Variants in BTNL3 observed in about 807,000 individuals in gnomAD.
BTNL3 encodes the protein butyrophilin like 3.
Under a neutral mutation model 40.1 loss-of-function variants are expected in BTNL3, and 20 were observed. The observed-to-expected ratio is 0.50, with a 90% CI of 0.35 to 0.72. The LOEUF (loss-of-function observed/expected upper bound fraction) is 0.72. Among genes scored for constraint, BTNL3 ranks in the 30% least tolerant of loss-of-function variants. The pLI is 0.01. For synonymous variants in BTNL3, 179 were observed against 222.1 expected, an observed-to-expected ratio of 0.81 and a Z score of 1.73; for missense variants, 449 against 582.2, an observed-to-expected ratio of 0.77 and a Z score of 2.35.
At position 180,993,064 on chromosome 5, in the gene BTNL3, C is replaced by T; in HGVS notation, c.301C>T (p.Leu101=). 6.9e-7 allele frequency: 1 copy of T among 1,455,256 alleles called. No individual in the cohort carries two copies. Among genetic ancestry groups the T allele is most frequent in the South Asian group, 1.1e-5 (1 of 88,458 alleles). 90.1% of individuals were successfully genotyped at this position (1,455,256 alleles called of 1,614,324 possible). ...SIAGGRVSLR[L]KNITPSDIGL... ...TGCAGGGGGGCGTGTCTCTCTAAGG[C>T]TAAAAAACATCACTCCCTCGGACAT... The change falls in exon 2 of 8, where the codon CTA becomes TTA. Residue 101 remains leucine (L), a synonymous_variant. Transcript: ENST00000342868.
Position 181,001,536 on chromosome 5 carries a change from C to T in BTNL3, c.674-1136C>T, listed in dbSNP as rs189787672. On this transcript the variant is annotated intron_variant, in intron 3 of 7. Coordinates refer to ENST00000342868, the MANE Select transcript of BTNL3 (RefSeq NM_197975.3). Reference sequence around the variant, plus strand: ...CTCACTTTGTTGCCTAGACTGGTCTCGAACTCCTGTCCTTAAGAAATCCTC... The same window carrying T: ...CTCACTTTGTTGCCTAGACTGGTCTTGAACTCCTGTCCTTAAGAAATCCTC... Among the ~76,000 whole-genome samples the T allele has an allele frequency of 4.4e-3, 574 of 131,772 alleles. 123 individuals are homozygous for T. Among genetic ancestry groups the T allele is most frequent in the Admixed American group, 0.044 (529 of 12,146 alleles). 86.4% of individuals were successfully genotyped at this position (131,772 alleles called of 152,430 possible). A position where few individuals can be genotyped will look rare whatever the true frequency, so the allele number is the denominator to read the frequency against.
At chr5:180,993,304 G>A in intron 2 of BTNL3, 144 bp downstream of exon 2, 1 of 1,235,050 alleles carries the variant, frequency 8.1e-7, no homozygotes, top group Non-Finnish European at 1.1e-6. Flanking sequence ...TCACTGACCT[G>A]AGGTTTCTGG....
intron 3 of BTNL3, among the ~76,000 whole-genome samples, chr5:181,001,497 A>G (rs1760107254): frequency 1.1e-5 from 1 of 88,830 alleles, no homozygotes; most frequent in African/African-American, 4.7e-5. Flanking sequence ...ATATTTTTAT[A>G]GATGGGGGGG....
At chr5:180,995,395 C>T (rs1392083309) in intron 2 of BTNL3, among the ~76,000 whole-genome samples, 1 of 136,332 alleles carries the variant, frequency 7.3e-6, no homozygotes, top group Non-Finnish European at 1.7e-5. Flanking sequence ...ACTCTAGACC[C>T]TATGTAAAGC....
intron 4 of BTNL3, among the ~76,000 whole-genome samples, chr5:181,003,172 A>G (rs943574639): frequency 7.4e-6 from 1 of 135,316 alleles, no homozygotes; most frequent in Admixed American, 7.9e-5. Context: ...CCTGGGCAAC[A>G]TGGCGAGAAC....
In BTNL3 at chr5:180,991,493, TAAG is replaced by T. The variant is rs1428478804; in HGVS notation, c.50-1314_50-1312del. 1.5e-5 allele frequency among the ~76,000 whole-genome samples: 2 copies of T among 136,676 alleles called. 1 individual carries two copies. The highest frequency in any genetic ancestry group is 3.3e-5 in the Non-Finnish European group (2 of 59,758). 89.7% of individuals were successfully genotyped at this position (136,676 alleles called of 152,430 possible). On this transcript the variant is annotated intron_variant, in intron 1 of 7. Coordinates refer to ENST00000342868, the MANE Select transcript of BTNL3 (RefSeq NM_197975.3). ...GGGCCTCCATCGTTTGTGGTCTCTC[TAAG>T]AAGAACTCTAATCATACAGAGTTGT...
At chr5:181,003,193 A>G (rs1253802802) in intron 4 of BTNL3, among the ~76,000 whole-genome samples, 2 of 134,152 alleles carry the variant, frequency 1.5e-5, no homozygotes, top group African/African-American at 5.1e-5. Flanking sequence ...TCCTCTCTAC[A>G]AAAAATTTTT....
At chr5:181,000,104 C>T (rs1760085906) in intron 3 of BTNL3, among the ~76,000 whole-genome samples, 5 of 135,460 alleles carry the variant, frequency 3.7e-5, no homozygotes, top group African/African-American at 1.3e-4. Flanking sequence ...AAATTTTTAC[C>T]AACATTACTC....
intron 1 of BTNL3, among the ~76,000 whole-genome samples, chr5:180,992,459 G>A (rs1561958642): frequency 7.3e-6 from 1 of 136,934 alleles, no homozygotes; most frequent in African/African-American, 2.5e-5. Context: ...CAGATGGGCA[G>A]AGAGGAGAGC....
chr5:181,004,681 G>A, intron 6 of BTNL3, 55 bp from the exon 7 acceptor site: 1 of 1,613,892 alleles, frequency 6.2e-7, no homozygotes, highest in Non-Finnish European at 8.5e-7. Flanking sequence ...CCTTCTCCCT[G>A]CGCCCTGTTT....
At chr5:181,001,500 T>TGGG (rs200023935) in intron 3 of BTNL3, among the ~76,000 whole-genome samples, 10,877 of 115,698 alleles carry the variant, frequency 0.094, 1,513 homozygotes, top group African/African-American at 0.11. Context: ...TTTTTATAGA[T>TGGG]GGGGGGGGGT....
Position 181,004,426 on chromosome 5 carries a change from G to A in BTNL3, c.818G>A (p.Arg273Lys), listed in dbSNP as rs1287663020. The change falls in exon 6 of 8, where the codon AGA (arginine) becomes AAA (lysine). Residue 273 changes from arginine to lysine, a missense_variant. By Grantham distance (26) the Arg-to-Lys change is conservative. Around this residue, in one of 2 missense-constraint regions of BTNL3, gnomAD observed 323 missense variants for 464.9 expected, o/e 0.69. Coordinates refer to ENST00000342868, the MANE Select transcript of BTNL3 (RefSeq NM_197975.3). Reference protein sequence around the residue: ...GKIQAELDWRRKHGQAELRDA... With the variant: ...GKIQAELDWRKKHGQAELRDA... Reference sequence around the variant, plus strand: ...TGTTTTTGTTTTTCAGACTGGAGAAGAAAGCACGGACAGGCAGGTAAAAGA... The same window carrying A: ...TGTTTTTGTTTTTCAGACTGGAGAAAAAAGCACGGACAGGCAGGTAAAAGA... 1.0e-5 allele frequency: 13 copies of A among 1,243,522 alleles called. No homozygotes were observed. The East Asian group carries it at 3.0e-4, about 29-fold the overall frequency. 77.0% of individuals were successfully genotyped at this position (1,243,522 alleles called of 1,614,324 possible).
At chr5:181,000,821 AT>A (rs1286131561) in intron 3 of BTNL3, among the ~76,000 whole-genome samples, 6 of 135,816 alleles carry the variant, frequency 4.4e-5, no homozygotes, top group African/African-American at 1.5e-4. Context: ...TCAAAAAAAA[AT>A]AAAATAAAAT....
intron 1 of BTNL3, among the ~76,000 whole-genome samples, chr5:180,990,898 G>T (rs1321384039): frequency 7.3e-6 from 1 of 137,408 alleles, no homozygotes; most frequent in Non-Finnish European, 1.7e-5. Flanking sequence ...GAACTGTATA[G>T]ACGATGGCTC....
intron 7 of BTNL3, 70 bp downstream of exon 7, chr5:181,004,832 T>C: frequency 1.2e-6 from 2 of 1,613,772 alleles, no homozygotes; most frequent in Middle Eastern, 1.7e-4. Flanking sequence ...ATGGAGCCCA[T>C]CCAGCTTGTA....
chr5:181,003,869 G>T lies in BTNL3; in HGVS notation c.801G>T (p.Ala267=). 1 of 1,614,048 alleles carries T rather than the reference G, an allele frequency of 6.2e-7. No individual in the cohort carries two copies. The highest frequency in any genetic ancestry group is 8.5e-7 in the Non-Finnish European group (1 of 1,180,024). Reference sequence around the variant, plus strand: ...TTTCTGTTTCAGGGAAAATCCAGGCGGAACTGGGTATGTGTCATGTCCTGA... The same window carrying T: ...TTTCTGTTTCAGGGAAAATCCAGGCTGAACTGGGTATGTGTCATGTCCTGA... ...VFFKSKGKIQ[A]ELDWRRKHGQ... The change falls in exon 5 of 8, where the codon GCG becomes GCT. Residue 267 remains alanine (A), a synonymous_variant. Coordinates refer to ENST00000342868, the MANE Select transcript of BTNL3 (RefSeq NM_197975.3).
At chr5:181,004,031 G>A in intron 5 of BTNL3, 155 bp downstream of exon 5, 2 of 1,529,970 alleles carry the variant, frequency 1.3e-6, no homozygotes, top group Non-Finnish European at 1.8e-6. Context: ...CACTGCTCAT[G>A]AGTTACCCCT....
In BTNL3 at chr5:180,996,945, A is replaced by G. The variant is rs1294174474; in HGVS notation, c.398-268A>G. On this transcript the variant is annotated intron_variant, in intron 2 of 7. Transcript: ENST00000342868. ...ATTTCATACTTAGGAATATCCAGGC[A>G]TATATAGTGGCTGCTAAATAAATGT... Among the ~76,000 whole-genome samples the G allele has an allele frequency of 2.2e-5, 3 of 137,172 alleles. 1 individual carries two copies. The highest frequency in any genetic ancestry group is 7.5e-5 in the African/African-American group (3 of 39,816). The allele number at this position is 137,172 out of a possible 152,430, so 90.0% of individuals were successfully genotyped here. A position where few individuals can be genotyped will look rare whatever the true frequency, so the allele number is the denominator to read the frequency against.
intron 1 of BTNL3, among the ~76,000 whole-genome samples, chr5:180,989,791 T>C (rs1350963262): frequency 7.3e-6 from 1 of 136,628 alleles, no homozygotes; most frequent in African/African-American, 2.5e-5. Context: ...TCTGGAACAG[T>C]TCCATCCTGC....
Sources: gnomAD v4.1 joint callset for allele counts (sites outside exome capture counted in the v4.1 genomes callset) on GRCh38, gnomAD v4.1.1 for gene constraint, gnomAD v4.1.1 regional missense constraint, MANE v1.5 for transcripts, NCBI Gene and HGNC (gene_info 2026-07-23, HGNC 2026-07-21) for gene names.